The following TNNI3K variants were observed in gnomAD, a reference collection of about 807,000 sequenced individuals.
TNNI3K encodes TNNI3 interacting kinase, also known as serine/threonine-protein kinase TNNI3K.
In TNNI3K, 140 loss-of-function variants were observed where a neutral mutation model predicts 114.5. The observed-to-expected ratio is 1.22, with a 90% confidence interval of 1.07 to 1.41. The LOEUF (loss-of-function observed/expected upper bound fraction) is 1.41. Ranked by LOEUF, TNNI3K falls within the 40% of genes most tolerant of loss-of-function variation. TNNI3K has a pLI of 0.00. For missense variants in TNNI3K, 1,125 were observed against 1,007.6 expected, an observed-to-expected ratio of 1.12 and a Z score of -1.58; for synonymous variants, 347 against 347.5, an observed-to-expected ratio of 1.00 and a Z score of 0.02.
chr1:74,467,567 T>C (rs1289622724), intron 21 of TNNI3K, among the ~76,000 whole-genome samples: 5 of 151,882 alleles, frequency 3.3e-5, no homozygotes, highest in Non-Finnish European at 7.4e-5. Context: ...CGTGAAATTA[T>C]GGCAATTATA....
chr1:74,317,855 C>G (rs757578314), intron 5 of TNNI3K, among the ~76,000 whole-genome samples: 1 of 152,206 alleles, frequency 6.6e-6, no homozygotes, highest in Non-Finnish European at 1.5e-5. Context: ...GTAGTTTCTT[C>G]AGATGGACCC....
At chr1:74,506,037 C>T (rs1260375505) in intron 23 of TNNI3K, among the ~76,000 whole-genome samples, 1 of 152,156 alleles carries the variant, frequency 6.6e-6, no homozygotes, top group African/African-American at 2.4e-5. Context: ...CCAGCCCAGC[C>T]AGTGTTAACT....
intron 7 of TNNI3K, among the ~76,000 whole-genome samples, chr1:74,337,378 G>T (rs905625983): frequency 5.3e-5 from 8 of 150,966 alleles, no homozygotes; most frequent in South Asian, 2.1e-4. Flanking sequence ...GTCAATTTTG[G>T]CTTTTGTTGC....
At chr1:74,375,570 G>A (rs1450904995) in intron 17 of TNNI3K, 2 of 455,228 alleles carry the variant, frequency 4.4e-6, no homozygotes, top group Admixed American at 2.4e-5. Context: ...TGCAGATGCT[G>A]TACAGGATGG....
At chr1:74,273,818 G>A (rs1475553136) in intron 5 of TNNI3K, among the ~76,000 whole-genome samples, 2 of 151,906 alleles carry the variant, frequency 1.3e-5, no homozygotes, top group Non-Finnish European at 2.9e-5. Flanking sequence ...CAAAAAGCAA[G>A]TATAGATACA....
At chr1:74,527,903 TG>T (rs1213381796) in intron 23 of TNNI3K, among the ~76,000 whole-genome samples, 7 of 152,002 alleles carry the variant, frequency 4.6e-5, no homozygotes, top group Admixed American at 1.3e-4. Context: ...GAGTGGTGGG[TG>T]GCACTGCCTG....
At chr1:74,285,912 G>A (rs1657304040) in intron 5 of TNNI3K, among the ~76,000 whole-genome samples, 1 of 152,138 alleles carries the variant, frequency 6.6e-6, no homozygotes, top group Non-Finnish European at 1.5e-5. Flanking sequence ...TTAAAAAAAT[G>A]ATGACAATTA....
At chr1:74,440,533 A>G (rs1285171165) in intron 20 of TNNI3K, among the ~76,000 whole-genome samples, 1 of 152,156 alleles carries the variant, frequency 6.6e-6, no homozygotes, top group East Asian at 1.9e-4. Flanking sequence ...ACTCATGTAC[A>G]GAGAGGTAGC....
intron 17 of TNNI3K, among the ~76,000 whole-genome samples, chr1:74,378,117 C>T (rs1234159185): frequency 6.6e-6 from 1 of 151,906 alleles, no homozygotes; most frequent in African/African-American, 2.4e-5. Context: ...TCATAATATA[C>T]AATGGATGCC....
intron 19 of TNNI3K, among the ~76,000 whole-genome samples, chr1:74,438,465 C>T (rs1666233214): frequency 6.6e-6 from 1 of 152,050 alleles, no homozygotes; most frequent in African/African-American, 2.4e-5. Flanking sequence ...CTTCAATGGA[C>T]ATTTAAAAGT....
chr1:74,358,999 A>C (rs549425459), intron 11 of TNNI3K, among the ~76,000 whole-genome samples: 1 of 152,098 alleles, frequency 6.6e-6, no homozygotes, highest in Non-Finnish European at 1.5e-5. Flanking sequence ...TTATAGATAA[A>C]GAGATTAAGA....
intron 23 of TNNI3K, among the ~76,000 whole-genome samples, chr1:74,534,764 T>C (rs955817986): frequency 6.6e-6 from 1 of 152,220 alleles, no homozygotes; most frequent in African/African-American, 2.4e-5. Flanking sequence ...TTAGCAGTTC[T>C]GGATTTCCTA....
intron 4 of TNNI3K, among the ~76,000 whole-genome samples, chr1:74,263,485 A>G (rs1284410970): frequency 6.6e-6 from 1 of 152,036 alleles, no homozygotes; most frequent in Non-Finnish European, 1.5e-5. Context: ...TTCTCTGGTA[A>G]CTGGGGGGAA....
intron 24 of TNNI3K, among the ~76,000 whole-genome samples, chr1:74,543,070 T>C (rs1291919935): frequency 0.1 from 11,363 of 110,846 alleles, 3,500 homozygotes; most frequent in African/African-American, 0.41. Flanking sequence ...TTCCCTTTTT[T>C]TTTTTTTTTT....
Position 74,236,150 on chromosome 1 carries a change from G to A in TNNI3K, c.89G>A (p.Arg30Lys), listed in dbSNP as rs1406241089. The A allele has an allele frequency of 1.9e-6, 3 of 1,608,318 alleles. No individual in the cohort carries two copies. The highest frequency in any genetic ancestry group is 1.1e-5 in the South Asian group (1 of 90,778). Residue 30 changes from arginine (R) to lysine (K), a missense_variant, in exon 2 of 25, where the codon AGA becomes AAA. Physicochemically the swap from Arg to Lys is conservative, Grantham distance 26. Coordinates refer to ENST00000326637, the MANE Select transcript of TNNI3K (RefSeq NM_015978.3). ...GAATCATATGTTATCACAATAGAAA[G>A]ATTAGAAGATGACCTGCAGATCAAG... ...VSESYVITIE[R>K]LEDDLQIKEK...
intron 2 of TNNI3K, among the ~76,000 whole-genome samples, chr1:74,247,940 G>A (rs993956145): frequency 2.0e-5 from 3 of 152,098 alleles, no homozygotes; most frequent in African/African-American, 2.4e-5. Flanking sequence ...ACTGGGCACC[G>A]TGGAGCAGGG....
chr1:74,302,062 CA>C (rs1189076538), intron 5 of TNNI3K, among the ~76,000 whole-genome samples: 3 of 152,206 alleles, frequency 2.0e-5, no homozygotes, highest in Non-Finnish European at 4.4e-5. Flanking sequence ...AGCTCTGCAT[CA>C]GTCCAGTCTG....
intron 21 of TNNI3K, chr1:74,483,517 T>C: frequency 1.9e-6 from 1 of 528,794 alleles, no homozygotes; most frequent in Non-Finnish European, 3.4e-6. Flanking sequence ...GCCAGGTAAA[T>C]AACTACATTC....
intron 23 of TNNI3K, among the ~76,000 whole-genome samples, chr1:74,509,333 G>A (rs17095482): frequency 0.086 from 13,015 of 152,152 alleles, 1,344 homozygotes; most frequent in African/African-American, 0.25. Flanking sequence ...ACATTTGAGG[G>A]TTTCAATTTT....
Sources: allele counts gnomAD v4.1 joint callset (sites outside exome capture counted in the v4.1 genomes callset), GRCh38; gene constraint gnomAD v4.1.1; transcripts MANE v1.5; gene names NCBI Gene and HGNC (gene_info 2026-07-23, HGNC 2026-07-21).